Variants in DLGAP2 observed in about 807,000 individuals in gnomAD.
DLGAP2 encodes disks large-associated protein 2.
Under a neutral mutation model 100.3 loss-of-function variants are expected in DLGAP2, and 26 were observed. That is an observed-to-expected ratio of 0.26 (90% CI 0.19 to 0.36). DLGAP2 has a LOEUF of 0.36. Among genes scored for constraint, DLGAP2 ranks in the 10% least tolerant of loss-of-function variants. The pLI is 1.00. For synonymous variants in DLGAP2, 886 were observed against 630.1 expected (o/e 1.41, Z -6.08); for missense variants, 1,858 against 1,453.2 (o/e 1.28, Z -4.53).
At chr8:1,683,361 G>A (rs1363415279) in intron 12 of DLGAP2, among the ~76,000 whole-genome samples, 2 of 151,434 alleles carry the variant, frequency 1.3e-5, no homozygotes, top group African/African-American at 4.8e-5. Flanking sequence ...AGGCCCCTTT[G>A]TCTCCTTCCT....
chr8:1,176,009 T>C (rs968900520), intron 2 of DLGAP2, among the ~76,000 whole-genome samples: 15 of 152,194 alleles, frequency 9.9e-5, no homozygotes, highest in Non-Finnish European at 1.0e-4. Context: ...CCGATAAATA[T>C]TGACTGGTCC....
chr8:999,890 A>G lies in DLGAP2; in HGVS notation c.73+91924A>G, dbSNP rs376486245. Reference sequence around the variant, plus strand: ...GCCCTGTTGAATTAATGTGCTTGCTAAGGATTTTCTCTAGAGCAGACAGAT... The same window carrying G: ...GCCCTGTTGAATTAATGTGCTTGCTGAGGATTTTCTCTAGAGCAGACAGAT... On this transcript the variant is annotated intron_variant, in intron 2 of 14. Transcript: ENST00000637795. Among the ~76,000 whole-genome samples, 5 of 152,066 alleles carry G rather than the reference A, an allele frequency of 3.3e-5. No homozygotes were observed. The East Asian group carries it at 9.7e-4, about 29-fold the overall frequency.
chr8:1,046,813 G>A (rs1484252404), intron 2 of DLGAP2, among the ~76,000 whole-genome samples: 2 of 151,532 alleles, frequency 1.3e-5, no homozygotes, highest in African/African-American at 4.8e-5. Flanking sequence ...ATTTTCTGCT[G>A]AATTTGAATT....
At chr8:907,421 C>G (rs187283590) in intron 1 of DLGAP2, among the ~76,000 whole-genome samples, 57 of 152,326 alleles carry the variant, frequency 3.7e-4, no homozygotes, top group Middle Eastern at 3.4e-3. Context: ...TCCCATTTTA[C>G]TACTGAAGTA....
intron 1 of DLGAP2, among the ~76,000 whole-genome samples, chr8:848,379 G>T (rs191862345): frequency 1.6e-5 from 2 of 121,438 alleles, no homozygotes; most frequent in African/African-American, 5.9e-5. Flanking sequence ...GTGTAGGGTC[G>T]TGCGGTGCGT....
intron 8 of DLGAP2, among the ~76,000 whole-genome samples, chr8:1,640,814 T>A (rs1414965954): frequency 6.6e-6 from 1 of 152,236 alleles, no homozygotes; most frequent in East Asian, 1.9e-4. Context: ...AATGACGAAA[T>A]GCAGTCCAGA....
intron 4 of DLGAP2, among the ~76,000 whole-genome samples, chr8:1,541,234 A>C (rs961718943): frequency 1.3e-5 from 2 of 152,216 alleles, no homozygotes; most frequent in Admixed American, 1.3e-4. Context: ...TTATTTGTTT[A>C]ATACATTTAT....
intron 2 of DLGAP2, among the ~76,000 whole-genome samples, chr8:1,018,257 C>A (rs1378882138): frequency 1.3e-5 from 2 of 152,152 alleles, no homozygotes; most frequent in African/African-American, 4.8e-5. Flanking sequence ...GACTCTGACA[C>A]CATAGGACTT....
intron 3 of DLGAP2, among the ~76,000 whole-genome samples, chr8:1,501,105 T>C (rs1032190340): frequency 3.3e-5 from 5 of 151,964 alleles, no homozygotes; most frequent in Admixed American, 6.6e-5. Flanking sequence ...CTGAGAATCA[T>C]TGGGACTCAC....
intron 3 of DLGAP2, among the ~76,000 whole-genome samples, chr8:1,345,028 C>T (rs913518370): frequency 2.0e-5 from 3 of 152,208 alleles, no homozygotes; most frequent in Admixed American, 6.5e-5. Flanking sequence ...TGGGACCATT[C>T]ATCTTTCAGA....
chr8:832,240 G>T (rs1369846204), intron 1 of DLGAP2, among the ~76,000 whole-genome samples: 1 of 152,142 alleles, frequency 6.6e-6, no homozygotes, highest in Non-Finnish European at 1.5e-5. Context: ...TGTCTGTTTT[G>T]GCTTTTGTTG....
chr8:1,265,000 A>G (rs957448295), intron 3 of DLGAP2, among the ~76,000 whole-genome samples: 5 of 152,202 alleles, frequency 3.3e-5, no homozygotes, highest in Non-Finnish European at 5.9e-5. Flanking sequence ...GCCTTCCACC[A>G]TGATTGTGAG....
At chr8:1,338,278 T>C (rs1401268708) in intron 3 of DLGAP2, among the ~76,000 whole-genome samples, 14 of 152,234 alleles carry the variant, frequency 9.2e-5, no homozygotes, top group Admixed American at 9.2e-4. Context: ...AAACAGCAGA[T>C]GTTCCCCATT....
intron 1 of DLGAP2, among the ~76,000 whole-genome samples, chr8:821,642 GTTGT>G (rs1247340945): frequency 6.6e-6 from 1 of 152,178 alleles, no homozygotes; most frequent in Admixed American, 6.5e-5. Context: ...TCTGGTACTG[GTTGT>G]TTGTTTCTTG....
At chr8:1,154,101 G>A (rs1359303319) in intron 2 of DLGAP2, among the ~76,000 whole-genome samples, 1 of 152,150 alleles carries the variant, frequency 6.6e-6, no homozygotes, top group African/African-American at 2.4e-5. Flanking sequence ...AACTAAAAAT[G>A]TGCATACATG....
chr8:1,621,727 G>C (rs902869652), intron 6 of DLGAP2: 1 of 152,038 alleles, frequency 6.6e-6, no homozygotes, highest in Non-Finnish European at 1.5e-5. Flanking sequence ...GAGCCTCTGC[G>C]GTCAAGGGTA....
chr8:1,463,295 G>A (rs1411749723), intron 3 of DLGAP2, among the ~76,000 whole-genome samples: 3 of 152,190 alleles, frequency 2.0e-5, no homozygotes, highest in East Asian at 1.9e-4. Flanking sequence ...TGAGACAAGC[G>A]GCCCCAGCGT....
chr8:1,494,042 C>T (rs926375233), intron 3 of DLGAP2, among the ~76,000 whole-genome samples: 8 of 98,204 alleles, frequency 8.1e-5, no homozygotes, highest in East Asian at 2.9e-4. Context: ...CATTCTGCAT[C>T]GGGGGGGGCA....
At chr8:1,269,732 C>G (rs1354270177) in intron 3 of DLGAP2, among the ~76,000 whole-genome samples, 1 of 152,098 alleles carries the variant, frequency 6.6e-6, no homozygotes, top group Non-Finnish European at 1.5e-5. Context: ...GATCAGATGA[C>G]CCAGAACTCA....
Sources: allele counts gnomAD v4.1 joint callset (sites outside exome capture counted in the v4.1 genomes callset), GRCh38; gene constraint gnomAD v4.1.1; transcripts MANE v1.5; gene names NCBI Gene and HGNC (gene_info 2026-07-23, HGNC 2026-07-21).